The following EYS variants were observed in gnomAD, a reference collection of about 807,000 sequenced individuals.
EYS encodes EGF-like photoreceptor maintenance factor.
Under a neutral mutation model 282.1 loss-of-function variants are expected in EYS, and 250 were observed. That is an observed-to-expected ratio of 0.89 (90% CI 0.80 to 0.98). EYS has a LOEUF of 0.98. Among genes scored for constraint, EYS ranks in the 50% least tolerant of loss-of-function variants. The pLI, the probability that EYS is intolerant of heterozygous loss-of-function variation, is 0.00. For missense variants in EYS, 4,016 were observed against 3,709.0 expected, an observed-to-expected ratio of 1.08 and a Z score of -2.15; for synonymous variants, 1,355 against 1,282.9, an observed-to-expected ratio of 1.06 and a Z score of -1.20.
chr6:65,205,005 AATATATTTATATATTCT>A (rs1765997720), intron 12 of EYS, among the ~76,000 whole-genome samples: 1 of 107,264 alleles, frequency 9.3e-6, no homozygotes, highest in East Asian at 2.2e-4. Context: ...ATTCTAGAAG[AATATATTTATATATTCT>A]AGAAGAATAT....
chr6:64,225,142 C>T (rs1489085842), intron 31 of EYS, among the ~76,000 whole-genome samples: 1 of 152,092 alleles, frequency 6.6e-6, no homozygotes, highest in Non-Finnish European at 1.5e-5. Context: ...CTTTCCAGAA[C>T]ATTGAACATC....
chr6:63,844,202 T>A (rs911233053), intron 36 of EYS, among the ~76,000 whole-genome samples: 1 of 152,212 alleles, frequency 6.6e-6, no homozygotes, highest in Non-Finnish European at 1.5e-5. Context: ...TTTTTATGGC[T>A]GCATAGTAGC....
intron 29 of EYS, among the ~76,000 whole-genome samples, chr6:64,339,405 T>A (rs984224742): frequency 1.3e-5 from 2 of 151,906 alleles, no homozygotes; most frequent in African/African-American, 4.8e-5. Context: ...ATCAGGGTAA[T>A]GCAAATTAAA....
intron 2 of EYS, among the ~76,000 whole-genome samples, chr6:65,592,340 ATATT>A (rs555770478): frequency 9.1e-4 from 139 of 152,108 alleles, no homozygotes; most frequent in African/African-American, 3.3e-3. Flanking sequence ...TATATGTTAG[ATATT>A]TACAAATTAT....
rs1457408118 is a variant in EYS at position 63,927,503 on chromosome 6, C to T, written c.7055+56880G>A. Among the ~76,000 whole-genome samples the T allele has an allele frequency of 5.9e-5, 9 of 152,148 alleles. No homozygotes were observed. The East Asian group carries it at 1.2e-3, about 20-fold the overall frequency. On this transcript the variant is annotated intron_variant, in intron 35 of 42. Transcript: ENST00000503581. ...CTGCTGATCTGGAAAAAATGTCACTCGAATTGAGATGGATGTTCCTTTTTA... is the reference window on the plus strand; with the variant it reads ...CTGCTGATCTGGAAAAAATGTCACTTGAATTGAGATGGATGTTCCTTTTTA...
chr6:65,465,064 T>C (rs544083577), intron 5 of EYS, among the ~76,000 whole-genome samples: 1 of 152,310 alleles, frequency 6.6e-6, no homozygotes, highest in Admixed American at 6.5e-5. Context: ...ATAATTTAGA[T>C]AATAGTCTAC....
At chr6:63,872,482 T>TG (rs1326930380) in intron 35 of EYS, among the ~76,000 whole-genome samples, 2 of 148,314 alleles carry the variant, frequency 1.3e-5, no homozygotes, top group Non-Finnish European at 3.0e-5. Context: ...ATATGGTTTT[T>TG]TTTTTTTTTT....
At chr6:64,552,038 G>C (rs1765101287) in intron 26 of EYS, among the ~76,000 whole-genome samples, 1 of 152,078 alleles carries the variant, frequency 6.6e-6, no homozygotes, top group Non-Finnish European at 1.5e-5. Context: ...CCAAAGCACT[G>C]AGATTACAGG....
intron 26 of EYS, among the ~76,000 whole-genome samples, chr6:64,512,490 A>G (rs1028244681): frequency 6.6e-6 from 1 of 151,952 alleles, no homozygotes; most frequent in African/African-American, 2.4e-5. Context: ...GCCCAGGGGA[A>G]GGGGGAGGGG....
rs189637001 is a variant in EYS, at chr6:65,477,893, T to A, written c.862+12701A>T. ...CCATAAGAATGTCAGTACTCAAATA[T>A]AACTCTGTGATTTCAGACTAAAAAA... is the stretch of plus-strand genomic sequence containing the variant. On this transcript the variant is annotated intron_variant, in intron 5 of 42. Transcript: ENST00000503581. 2.4e-4 allele frequency among the ~76,000 whole-genome samples: 37 copies of A among 152,306 alleles called. 1 individual carries two copies. Among genetic ancestry groups the A allele is most frequent in the African/African-American group, 7.9e-4 (33 of 41,574 alleles).
intron 35 of EYS, among the ~76,000 whole-genome samples, chr6:63,872,456 C>T (rs1772832952): frequency 6.7e-6 from 1 of 148,494 alleles, no homozygotes; most frequent in Admixed American, 6.8e-5. Context: ...ATGGCTCCTA[C>T]ATCCACTATA....
At chr6:63,975,683 G>T (rs1016326576) in intron 35 of EYS, among the ~76,000 whole-genome samples, 2 of 151,982 alleles carry the variant, frequency 1.3e-5, no homozygotes, top group Non-Finnish European at 2.9e-5. Context: ...AAAAGTGTCT[G>T]GTGTTCAGAA....
chr6:64,932,170 T>C (rs1373235154), intron 15 of EYS, among the ~76,000 whole-genome samples: 6 of 152,038 alleles, frequency 3.9e-5, no homozygotes, highest in Non-Finnish European at 5.9e-5. Context: ...AGCTCTTCAA[T>C]GGACTTGAAA....
chr6:64,061,465 C>T (rs1057122449), intron 33 of EYS, among the ~76,000 whole-genome samples: 2 of 152,164 alleles, frequency 1.3e-5, no homozygotes, highest in East Asian at 3.9e-4. Flanking sequence ...GAACTGTGAT[C>T]TCTGCTCCAT....
chr6:63,835,229 A>G (rs1771771253), intron 36 of EYS, among the ~76,000 whole-genome samples: 1 of 151,358 alleles, frequency 6.6e-6, no homozygotes, highest in Non-Finnish European at 1.5e-5. Flanking sequence ...AAATGAGTGT[A>G]TAAAGAAACT....
At chr6:64,969,489 G>A (rs1770215398) in intron 14 of EYS, among the ~76,000 whole-genome samples, 1 of 152,062 alleles carries the variant, frequency 6.6e-6, no homozygotes, top group African/African-American at 2.4e-5. Context: ...AAACTTAGGG[G>A]GTCACTTTGG....
At chr6:65,492,360 AAG>A (rs1363690917) in intron 4 of EYS, among the ~76,000 whole-genome samples, 1 of 151,856 alleles carries the variant, frequency 6.6e-6, no homozygotes, top group South Asian at 2.1e-4. Context: ...GAAAGAAAGA[AAG>A]AGAGAAAGGA....
intron 31 of EYS, among the ~76,000 whole-genome samples, chr6:64,142,139 T>C (rs1333127820): frequency 6.6e-6 from 1 of 152,028 alleles, no homozygotes; most frequent in African/African-American, 2.4e-5. Context: ...AAGAGGGTCA[T>C]TGAGTACCAT....
chr6:64,582,483 T>C (rs951744895), intron 26 of EYS, among the ~76,000 whole-genome samples: 3 of 152,098 alleles, frequency 2.0e-5, no homozygotes, highest in African/African-American at 7.2e-5. Flanking sequence ...CTGATGTACA[T>C]GAATTGGTAT....
Sources: allele counts gnomAD v4.1 joint callset (sites outside exome capture counted in the v4.1 genomes callset), GRCh38; gene constraint gnomAD v4.1.1; transcripts MANE v1.5; gene names NCBI Gene and HGNC (gene_info 2026-07-23, HGNC 2026-07-21).